KCNIP4: variants seen among roughly 807,000 people sequenced by gnomAD.
The protein encoded by KCNIP4 is Kv channel-interacting protein 4.
A neutral mutation model predicts 34.0 loss-of-function variants in KCNIP4; 12 were observed. The observed-to-expected ratio is 0.35, with a 90% CI of 0.23 to 0.57. The LOEUF is 0.57. KCNIP4 is among the 20% of genes least tolerant of loss of function. KCNIP4 has a pLI of 0.83. For synonymous variants in KCNIP4, 124 were observed against 102.2 expected, an observed-to-expected ratio of 1.21 and a Z score of -1.29; for missense variants, 238 against 311.7, an observed-to-expected ratio of 0.76 and a Z score of 1.78.
intron 1 of KCNIP4, among the ~76,000 whole-genome samples, chr4:21,585,836 A>C (rs563249758): frequency 6.6e-6 from 1 of 152,180 alleles, no homozygotes; most frequent in African/African-American, 2.4e-5. Context: ...AGAGAAGTAT[A>C]ATTAAGAAAT....
intron 5 of KCNIP4, among the ~76,000 whole-genome samples, chr4:20,744,538 G>GT (rs1455059930): frequency 6.6e-6 from 1 of 151,708 alleles, no homozygotes; most frequent in Non-Finnish European, 1.5e-5. Context: ...AACACCGCAT[G>GT]TTCTCACTCA....
At chr4:21,464,206 T>C (rs1729719559) in intron 1 of KCNIP4, among the ~76,000 whole-genome samples, 2 of 152,110 alleles carry the variant, frequency 1.3e-5, no homozygotes, top group South Asian at 4.1e-4. Context: ...ATTTTATTTA[T>C]TTCTGTTCTA....
chr4:20,927,756 A>G (rs939131904), intron 1 of KCNIP4, among the ~76,000 whole-genome samples: 1 of 152,192 alleles, frequency 6.6e-6, no homozygotes, highest in Non-Finnish European at 1.5e-5. Flanking sequence ...TGTCGGGTTT[A>G]GTCATAATGT....
intron 3 of KCNIP4, among the ~76,000 whole-genome samples, chr4:20,826,204 A>G (rs751305727): frequency 2.0e-5 from 3 of 152,206 alleles, no homozygotes; most frequent in South Asian, 2.1e-4. Context: ...CACCTGGGTC[A>G]TACTTTGGGA....
At chr4:21,442,198 T>A (rs773109219) in intron 1 of KCNIP4, among the ~76,000 whole-genome samples, 2 of 152,242 alleles carry the variant, frequency 1.3e-5, no homozygotes, top group South Asian at 2.1e-4. Context: ...ACCATAGACA[T>A]CTTCCTCTCC....
intron 1 of KCNIP4, among the ~76,000 whole-genome samples, chr4:21,087,866 C>T (rs1746608102): frequency 6.6e-6 from 1 of 152,134 alleles, no homozygotes. Flanking sequence ...TATTTTGCTG[C>T]CTCTTATTCC....
intron 1 of KCNIP4, among the ~76,000 whole-genome samples, chr4:21,683,159 G>A (rs923735075): frequency 4.6e-5 from 7 of 152,106 alleles, no homozygotes; most frequent in African/African-American, 1.4e-4. Flanking sequence ...TGCAGCTATT[G>A]CCTCATGCAT....
intron 1 of KCNIP4, among the ~76,000 whole-genome samples, chr4:21,504,536 C>A (rs989521126): frequency 6.9e-6 from 1 of 145,218 alleles, no homozygotes; most frequent in Non-Finnish European, 1.5e-5. Flanking sequence ...AGCAAGCAAG[C>A]AAAGCAAAGC....
chr4:21,835,603 G>T (rs75975940), intron 1 of KCNIP4, among the ~76,000 whole-genome samples: 207 of 149,196 alleles, frequency 1.4e-3, no homozygotes, highest in Admixed American at 3.8e-3. Context: ...GTTTTTTTTT[G>T]TTGTTGTTGT....
chr4:20,739,083 A>C (rs1431778371), intron 5 of KCNIP4, among the ~76,000 whole-genome samples: 4 of 152,166 alleles, frequency 2.6e-5, no homozygotes, highest in Non-Finnish European at 5.9e-5. Context: ...TAAAGCAGCC[A>C]GGAAGCTCAA....
At chr4:21,742,881 A>C (rs571718559) in intron 1 of KCNIP4, among the ~76,000 whole-genome samples, 17 of 152,332 alleles carry the variant, frequency 1.1e-4, no homozygotes, top group Admixed American at 3.3e-4. Context: ...TTAGAAGGAT[A>C]TCTCGGGGTA....
At chr4:21,148,718 A>G (rs1752558964) in intron 1 of KCNIP4, among the ~76,000 whole-genome samples, 1 of 151,896 alleles carries the variant, frequency 6.6e-6, no homozygotes, top group African/African-American at 2.4e-5. Context: ...AAACAACATT[A>G]AGAAAGGCCA....
chr4:20,827,431 T>G (rs1717895576), intron 3 of KCNIP4, among the ~76,000 whole-genome samples: 1 of 152,152 alleles, frequency 6.6e-6, no homozygotes, highest in African/African-American at 2.4e-5. Flanking sequence ...GGTGTCTCTT[T>G]CTCTTCTTAT....
intron 1 of KCNIP4, among the ~76,000 whole-genome samples, chr4:21,450,634 T>C (rs1257188988): frequency 6.6e-6 from 1 of 152,012 alleles, no homozygotes; most frequent in Non-Finnish European, 1.5e-5. Context: ...GCAGACAGCT[T>C]GTAGTATATT....
At chr4:20,761,790 T>C (rs1238375093) in intron 3 of KCNIP4, among the ~76,000 whole-genome samples, 1 of 152,244 alleles carries the variant, frequency 6.6e-6, no homozygotes, top group African/African-American at 2.4e-5. Flanking sequence ...CATATCTGTG[T>C]CAGAGGAAAC....
At chr4:21,023,521 T>C (rs1422704802) in intron 1 of KCNIP4, among the ~76,000 whole-genome samples, 1 of 152,126 alleles carries the variant, frequency 6.6e-6, no homozygotes, top group East Asian at 1.9e-4. Flanking sequence ...AGGATCTGAA[T>C]ATAAATTTCT....
At chr4:21,013,613 C>A (rs1163619194) in intron 1 of KCNIP4, among the ~76,000 whole-genome samples, 1 of 152,104 alleles carries the variant, frequency 6.6e-6, no homozygotes, top group African/African-American at 2.4e-5. Context: ...TCAACTCTTG[C>A]CTCAAAGGAA....
chr4:20,965,668 C>T (rs1459248349), intron 1 of KCNIP4, among the ~76,000 whole-genome samples: 1 of 152,102 alleles, frequency 6.6e-6, no homozygotes, highest in East Asian at 1.9e-4. Flanking sequence ...AAGAATAGTT[C>T]CTATTATTGT....
chr4:21,321,671 G>A (rs1714430426), intron 1 of KCNIP4, among the ~76,000 whole-genome samples: 1 of 151,102 alleles, frequency 6.6e-6, no homozygotes, highest in Admixed American at 6.6e-5. Flanking sequence ...AAGGAAGGAG[G>A]AAGGGAAGGA....
Sources: allele counts gnomAD v4.1 joint callset (sites outside exome capture counted in the v4.1 genomes callset), GRCh38; gene constraint gnomAD v4.1.1; transcripts MANE v1.5; gene names NCBI Gene and HGNC (gene_info 2026-07-23, HGNC 2026-07-21).